UGT1A6: variants seen among roughly 807,000 people sequenced by gnomAD.
The protein encoded by UGT1A6 is UDP glucuronosyltransferase family 1 member A6.
In UGT1A6, 32 loss-of-function variants were observed where a neutral mutation model predicts 44.4. That is an observed-to-expected ratio of 0.72 (90% CI 0.54 to 0.97). UGT1A6 has a LOEUF of 0.97. Among genes scored for constraint, UGT1A6 ranks in the 50% least tolerant of loss-of-function variants. The pLI is 0.00. For synonymous variants in UGT1A6, 238 were observed against 248.5 expected (o/e 0.96, Z 0.40); for missense variants, 685 against 661.9 (o/e 1.03, Z -0.38).
intron 1 of UGT1A6, among the ~76,000 whole-genome samples, chr2:233,759,866 G>A (rs1362136524): frequency 6.6e-6 from 1 of 152,108 alleles, no homozygotes; most frequent in African/African-American, 2.4e-5. Flanking sequence ...CGAAAGCGGG[G>A]GTACAGTTGT....
At chr2:233,697,108 G>A (rs1275365207) in intron 1 of UGT1A6, among the ~76,000 whole-genome samples, 1 of 152,040 alleles carries the variant, frequency 6.6e-6, no homozygotes, top group African/African-American at 2.4e-5. Context: ...GAGTTTGGAA[G>A]TATTCTCTCC....
chr2:233,724,376 G>C (rs1373227000), intron 1 of UGT1A6, among the ~76,000 whole-genome samples: 7 of 128,064 alleles, frequency 5.5e-5, no homozygotes, highest in African/African-American at 1.5e-4. Flanking sequence ...GGTGGCTGCC[G>C]GGCGGAGACG....
intron 1 of UGT1A6, among the ~76,000 whole-genome samples, chr2:233,706,344 A>G (rs1211445114): frequency 6.6e-6 from 1 of 152,332 alleles, no homozygotes; most frequent in East Asian, 1.9e-4. Flanking sequence ...GTGACCCTGA[A>G]AAAACATTCT....
intron 1 of UGT1A6, among the ~76,000 whole-genome samples, chr2:233,708,985 C>T (rs560694521): frequency 3.3e-5 from 5 of 152,228 alleles, no homozygotes; most frequent in South Asian, 2.1e-4. Flanking sequence ...TTTCCTCGGC[C>T]GTGGCATCCT....
chr2:233,763,704 GA>G lies in UGT1A6; in HGVS notation c.862-3328del, dbSNP rs779879703. On this transcript the variant is annotated intron_variant, in intron 1 of 4. Transcript: ENST00000305139. ...AAAGATAAAACTTTTATTGCACAAA[GA>G]AGTCCATAGAGAAAGCACAACCTGG... Among the ~76,000 whole-genome samples the G allele has an allele frequency of 3.9e-5, 6 of 152,288 alleles. No individual in the cohort carries two copies. The South Asian group carries it at 1.2e-3, about 32-fold the overall frequency.
chr2:233,761,173 T>C (rs771182197), intron 1 of UGT1A6: 2 of 1,614,246 alleles, frequency 1.2e-6, no homozygotes, highest in South Asian at 2.2e-5. Context: ...AGTGGGACTT[T>C]TACATGCGTA....
chr2:233,756,919 A>G (rs1444597051), intron 1 of UGT1A6, among the ~76,000 whole-genome samples: 2 of 152,130 alleles, frequency 1.3e-5, no homozygotes. Flanking sequence ...CTGAGTTTAT[A>G]TAACCTCTAG....
At chr2:233,724,647 T>C (rs1247687172) in intron 1 of UGT1A6, among the ~76,000 whole-genome samples, 4 of 137,372 alleles carry the variant, frequency 2.9e-5, no homozygotes, top group African/African-American at 1.1e-4. Context: ...TGATGGCGGC[T>C]GGGAAGAGGC....
intron 1 of UGT1A6, among the ~76,000 whole-genome samples, chr2:233,730,339 G>C (rs954764150): frequency 2.0e-5 from 3 of 152,178 alleles, no homozygotes; most frequent in Non-Finnish European, 4.4e-5. Flanking sequence ...GTTTGGAACT[G>C]ATCCATCCTG....
chr2:233,720,278 T>A (rs1449886876), intron 1 of UGT1A6, among the ~76,000 whole-genome samples: 2 of 151,854 alleles, frequency 1.3e-5, no homozygotes. Flanking sequence ...CTGAGAAAAG[T>A]TTTTCTGACC....
intron 1 of UGT1A6, among the ~76,000 whole-genome samples, chr2:233,765,525 A>G (rs1329952354): frequency 6.6e-6 from 1 of 152,210 alleles, no homozygotes; most frequent in East Asian, 1.9e-4. Flanking sequence ...CAAACACCGC[A>G]TGTTCTCACT....
chr2:233,769,729 C>T lies in UGT1A6; in HGVS notation c.1301+1290C>T. The T allele has an allele frequency of 6.8e-6, 10 of 1,468,988 alleles. No homozygotes were observed. Among genetic ancestry groups the T allele is most frequent in the Non-Finnish European group, 9.0e-6 (10 of 1,109,108 alleles). 91.0% of individuals were successfully genotyped at this position (1,468,988 alleles called of 1,614,324 possible). ...TGTTGGCTAGGCACCATGGCACACGCCTGTAGTCCCAGCCACTCTGGAGGC... is the reference window on the plus strand; with the variant it reads ...TGTTGGCTAGGCACCATGGCACACGTCTGTAGTCCCAGCCACTCTGGAGGC... On this transcript the variant is annotated intron_variant, in intron 4 of 4. Transcript: ENST00000305139. This position sits in a 1 kb window ranked among gnomAD's most constrained non-coding sequence, Gnocchi z 4.4.
At chr2:233,768,582 CTTTTTTTTT>C (rs139595073) in intron 4 of UGT1A6, 143 bp downstream of exon 4, 1,382 of 1,030,410 alleles carry the variant, frequency 1.3e-3, no homozygotes, top group Middle Eastern at 4.4e-3. Flanking sequence ...TTTATTTCTT[CTTTTTTTTT>C]TTTTTTTTTT....
At position 233,772,264 on chromosome 2, in the gene UGT1A6, A is replaced by G. The variant is rs766626435; in HGVS notation, c.1304A>G (p.Tyr435Cys). Reference sequence around the variant, plus strand: ...AACGAAACTGTCTTTGTGTTTAGTTACAAGGAGAACATCATGCGCCTCTCC... The same window carrying G: ...AACGAAACTGTCTTTGTGTTTAGTTGCAAGGAGAACATCATGCGCCTCTCC... Reference protein sequence around the residue: ...ALKAVINDKSYKENIMRLSSL... With the variant: ...ALKAVINDKSCKENIMRLSSL... The change falls in exon 5 of 5, where the codon TAC becomes TGC. Residue 435 changes from tyrosine to cysteine, a missense_variant and splice_region_variant. Tyr to Cys is a radical substitution (Grantham distance 194). Coordinates refer to ENST00000305139, the MANE Select transcript of UGT1A6 (RefSeq NM_001072.4). The G allele has an allele frequency of 2.5e-6, 4 of 1,614,262 alleles. No homozygotes were observed. Among genetic ancestry groups the G allele is most frequent in the Admixed American group, 1.7e-5 (1 of 60,030 alleles).
Position 233,769,872 on chromosome 2 carries a change from A to G in UGT1A6, c.1301+1433A>G. 2.2e-6 allele frequency: 1 copy of G among 452,556 alleles called. No individual in the cohort carries two copies. The highest frequency in any genetic ancestry group is 3.7e-6 in the Non-Finnish European group (1 of 267,272). The allele number at this position is 452,556 out of a possible 1,614,324, so 28.0% of individuals were successfully genotyped here. A position where few individuals can be genotyped will look rare whatever the true frequency, so the allele number is the denominator to read the frequency against. ...GACCCTGTCTCAAAAAAAAAAAAAA[A>G]AATGAAAAGTCCACATAACCTGAGC... On this transcript the variant is annotated intron_variant, in intron 4 of 4. Coordinates refer to ENST00000305139, the MANE Select transcript of UGT1A6 (RefSeq NM_001072.4). The surrounding 1 kb of genome is among the most constrained non-coding windows in gnomAD (Gnocchi z 4.4).
At chr2:233,714,637 G>A (rs144014663) in intron 1 of UGT1A6, among the ~76,000 whole-genome samples, 2 of 152,328 alleles carry the variant, frequency 1.3e-5, no homozygotes, top group East Asian at 3.9e-4. Context: ...TAAAATTAAT[G>A]TGAATAATGC....
intron 1 of UGT1A6, chr2:233,755,452 C>G (rs1440747230): frequency 1.3e-5 from 4 of 306,254 alleles, no homozygotes; most frequent in Non-Finnish European, 2.6e-5. Context: ...GCTCCTGGGA[C>G]TGGCCCTGCT....
Position 233,693,199 on chromosome 2 carries a change from G to A in UGT1A6, c.195G>A (p.Leu65=). ...TAGTGGTGGTGCCTGAAGTTAATTT[G>A]CTTTTGAAAGAATCCAAATACTACA... The part of the protein sequence containing the change: ...EIVVVVPEVN[L]LLKESKYYTR... The change falls in exon 1 of 5, where the codon TTG becomes TTA. Residue 65 remains leucine, a synonymous_variant. Transcript: ENST00000305139. The A allele has an allele frequency of 6.2e-7, 1 of 1,614,108 alleles. No homozygotes were observed. The highest frequency in any genetic ancestry group is 8.5e-7 in the Non-Finnish European group (1 of 1,179,980).
At chr2:233,752,448 A>G (rs1409153426) in intron 1 of UGT1A6, 1 of 152,234 alleles carries the variant, frequency 6.6e-6, no homozygotes, top group Admixed American at 6.5e-5. Flanking sequence ...ATAAAAGATG[A>G]ATACCCACAT....
Sources: allele counts gnomAD v4.1 joint callset (sites outside exome capture counted in the v4.1 genomes callset), GRCh38; gene constraint gnomAD v4.1.1; non-coding constraint Gnocchi (gnomAD v3.1); transcripts MANE v1.5; gene names NCBI Gene and HGNC (gene_info 2026-07-23, HGNC 2026-07-21).